The following SLC10A1 variants were observed in gnomAD, a reference collection of about 807,000 sequenced individuals.
SLC10A1 encodes the protein hepatic sodium/bile acid cotransporter.
SLC10A1 carries 36 observed loss-of-function variants against 20.5 expected under a neutral mutation model. The observed-to-expected ratio is 1.75, with a 90% confidence interval of 1.34 to 2.32. The LOEUF is 2.32. Ranked by LOEUF, SLC10A1 falls within the 30% of genes most tolerant of loss-of-function variation. The pLI is 0.00. For synonymous variants in SLC10A1, 188 were observed against 163.6 expected, an observed-to-expected ratio of 1.15 and a Z score of -1.14; for missense variants, 545 against 439.1, an observed-to-expected ratio of 1.24 and a Z score of -2.16.
At chr14:69,778,558 A>T (rs763045653) in intron 3 of SLC10A1, 29 bp from the exon 4 acceptor site, 1 of 1,553,360 alleles carries the variant, frequency 6.4e-7, no homozygotes. Context: ...CCCCACATAC[A>T]CTCAGAGGGA....
In SLC10A1 at chr14:69,788,670, G is replaced by A. The variant is rs749903847; in HGVS notation, c.357-2363C>T. On this transcript the variant is annotated intron_variant, in intron 1 of 4. Transcript: ENST00000216540. ...CGCTATTCTTCTGTCTCAGCCTCCCGAGTAGCTGGGACTACAGGCGCCTGC... is the reference window on the plus strand; with the variant it reads ...CGCTATTCTTCTGTCTCAGCCTCCCAAGTAGCTGGGACTACAGGCGCCTGC... 4.7e-4 allele frequency among the ~76,000 whole-genome samples: 71 copies of A among 151,364 alleles called. 1 individual carries two copies. Among genetic ancestry groups the A allele is most frequent in the Admixed American group, 1.5e-3 (23 of 15,156 alleles).
chr14:69,789,914 G>GGT (rs531791169), intron 1 of SLC10A1, among the ~76,000 whole-genome samples: 5 of 142,874 alleles, frequency 3.5e-5, no homozygotes, highest in African/African-American at 1.3e-4. Flanking sequence ...CAAAAATAGG[G>GGT]TTTTTTTTTT....
chr14:69,788,336 G>A (rs187777204), intron 1 of SLC10A1, among the ~76,000 whole-genome samples: 1 of 152,180 alleles, frequency 6.6e-6, no homozygotes, highest in East Asian at 1.9e-4. Flanking sequence ...TAAAAAACAT[G>A]GAGAGGGGAC....
At chr14:69,788,286 G>A (rs1340193154) in intron 1 of SLC10A1, among the ~76,000 whole-genome samples, 1 of 152,006 alleles carries the variant, frequency 6.6e-6, no homozygotes, top group Admixed American at 6.6e-5. Flanking sequence ...AATCATGGTG[G>A]AAACAGTATT....
At chr14:69,791,571 A>C (rs1883841703) in intron 1 of SLC10A1, among the ~76,000 whole-genome samples, 1 of 152,210 alleles carries the variant, frequency 6.6e-6, no homozygotes, top group South Asian at 2.1e-4. Flanking sequence ...AAGTGCTGGG[A>C]TTACAGGCGT....
intron 3 of SLC10A1, among the ~76,000 whole-genome samples, 155 bp downstream of exon 3, chr14:69,779,027 G>A (rs1194378509): frequency 1.3e-5 from 2 of 152,124 alleles, no homozygotes; most frequent in Non-Finnish European, 2.9e-5. Context: ...TGGTCATGGT[G>A]GCTTGTGCCT....
rs1882395657 is a variant in SLC10A1 at position 69,796,886 on chromosome 14, T to A, written c.270A>T (p.Ala90=). Residue 90 remains alanine, a synonymous_variant, in exon 1 of 5, where the codon GCA becomes GCT. Coordinates refer to ENST00000216540, the MANE Select transcript of SLC10A1 (RefSeq NM_003049.4). ...AGCAGCCACAGACCAAGATGGCCAG[T>A]GCCTCAATGTTCTTCAGCCGGAAGA... ...GKVFRLKNIE[A]LAILVCGCSP... 6.2e-7 allele frequency: 1 copy of A among 1,614,086 alleles called. No individual in the cohort carries two copies.
intron 4 of SLC10A1, 45 bp from the exon 5 acceptor site, chr14:69,776,433 G>T: frequency 6.9e-7 from 1 of 1,453,682 alleles, no homozygotes; most frequent in South Asian, 1.1e-5. Context: ...AGAACAAGAG[G>T]AGTGAACAAT....
intron 1 of SLC10A1, among the ~76,000 whole-genome samples, chr14:69,786,793 A>G (rs1450141654): frequency 6.6e-6 from 1 of 152,210 alleles, no homozygotes; most frequent in Non-Finnish European, 1.5e-5. Flanking sequence ...TCTTGTAGTG[A>G]CTTTGTCCAA....
chr14:69,778,662 C>T, intron 3 of SLC10A1, 133 bp from the exon 4 acceptor site: 10 of 693,720 alleles, frequency 1.4e-5, no homozygotes, highest in Non-Finnish European at 2.3e-5. Context: ...GCTATTGCTG[C>T]TGGTGTTTGG....
chr14:69,787,164 G>T (rs77668918), intron 1 of SLC10A1, among the ~76,000 whole-genome samples: 2,350 of 151,254 alleles, frequency 0.016, 64 homozygotes, highest in African/African-American at 0.053. Context: ...TTACTTTCTG[G>T]TTCCTCTTGA....
At chr14:69,776,502 T>G in intron 4 of SLC10A1, 114 bp from the exon 5 acceptor site, 1 of 768,016 alleles carries the variant, frequency 1.3e-6, no homozygotes, top group South Asian at 1.8e-5. Flanking sequence ...GTGTGCTAAG[T>G]ATATATTTTC....
intron 3 of SLC10A1, 107 bp from the exon 4 acceptor site, chr14:69,778,636 T>C: frequency 1.1e-6 from 1 of 918,114 alleles, no homozygotes. Flanking sequence ...ATCTAGACCC[T>C]GGACAGGGGT....
chr14:69,778,358 G>A lies in SLC10A1; in HGVS notation c.918C>T (p.Cys306=), dbSNP rs1463059866. ...EGLLLIAIFW[C]YEKFKTPKDK... is the part of the protein sequence containing the mutation. ...CCTTGGGAGTCTTGAATTTCTCATAGCACCAAAATATGGCAATGAGGAGAA... is the reference window on the plus strand; with the variant it reads ...CCTTGGGAGTCTTGAATTTCTCATAACACCAAAATATGGCAATGAGGAGAA... Residue 306 remains cysteine, a synonymous_variant, in exon 4 of 5, where the codon TGC becomes TGT. Coordinates refer to ENST00000216540, the MANE Select transcript of SLC10A1 (RefSeq NM_003049.4). 2 of 1,609,608 alleles carry A rather than the reference G, an allele frequency of 1.2e-6. No homozygotes were observed. Among genetic ancestry groups the A allele is most frequent in the Non-Finnish European group, 1.7e-6 (2 of 1,178,054 alleles).
At position 69,786,320 on chromosome 14, in the gene SLC10A1, A is replaced by AT; in HGVS notation, c.357-14dup. ...GGTCATCACAATGCTGGTGGGAGAC[A>AT]TGGGAAGAGGGGAGAGAGAGAGAGC... On this transcript the variant is annotated splice_polypyrimidine_tract_variant and intron_variant, in intron 1 of 4. Transcript: ENST00000216540. The AT allele has an allele frequency of 6.2e-7, 1 of 1,610,418 alleles. No individual in the cohort carries two copies. The highest frequency in any genetic ancestry group is 8.5e-7 in the Non-Finnish European group (1 of 1,176,720).
Position 69,778,364 on chromosome 14 carries a change from A to C in SLC10A1, c.912T>G (p.Phe304Leu), listed in dbSNP as rs1594760012. The C allele has an allele frequency of 6.2e-7, 1 of 1,611,040 alleles. No individual in the cohort carries two copies. Among genetic ancestry groups the C allele is most frequent in the East Asian group, 2.2e-5 (1 of 44,850 alleles). ...GAGTCTTGAATTTCTCATAGCACCA[A>C]AATATGGCAATGAGGAGAAGCCCTT... ...LGEGLLLIAI[F>L]WCYEKFKTPK... Residue 304 changes from phenylalanine to leucine, a missense_variant, in exon 4 of 5, where the codon TTT (phenylalanine) becomes TTG (leucine). Physicochemically the swap from Phe to Leu is conservative, Grantham distance 22. Transcript: ENST00000216540.
intron 1 of SLC10A1, among the ~76,000 whole-genome samples, chr14:69,790,754 T>G (rs1465518842): frequency 6.6e-6 from 1 of 152,050 alleles, no homozygotes; most frequent in Non-Finnish European, 1.5e-5. Flanking sequence ...ATTACCTGTT[T>G]TATAAATTAT....
chr14:69,776,341 G>A lies in SLC10A1; in HGVS notation c.991C>T (p.Pro331Ser). Residue 331 changes from proline (P) to serine (S), a missense_variant, in exon 5 of 5, where the codon CCA (proline) becomes TCA (serine). Coordinates refer to ENST00000216540, the MANE Select transcript of SLC10A1 (RefSeq NM_003049.4). ...YTAATTEETI[P>S]GALGNGTYKG... ...TAGGTGCCATTTCCCAGAGCTCCTG[G>A]AATTGTTTCTTCAGTTGTGGCAGCT... The A allele has an allele frequency of 6.2e-7, 1 of 1,613,908 alleles. No homozygotes were observed. Among genetic ancestry groups the A allele is most frequent in the Non-Finnish European group, 8.5e-7 (1 of 1,180,002 alleles).
intron 1 of SLC10A1, among the ~76,000 whole-genome samples, chr14:69,796,193 C>G (rs4646286): frequency 0.36 from 54,764 of 152,052 alleles, 11,681 homozygotes; most frequent in African/African-American, 0.59. Flanking sequence ...TGGGGCTGGC[C>G]TATCTGGAGT....
Sources: allele counts gnomAD v4.1 joint callset (sites outside exome capture counted in the v4.1 genomes callset), GRCh38; gene constraint gnomAD v4.1.1; transcripts MANE v1.5; gene names NCBI Gene and HGNC (gene_info 2026-07-23, HGNC 2026-07-21).